TARS1: variants seen among roughly 807,000 people sequenced by gnomAD.
The protein encoded by TARS1 is threonine--tRNA ligase 1, cytoplasmic.
In TARS1, 57 loss-of-function variants were observed where a neutral mutation model predicts 97.7. That is an observed-to-expected ratio of 0.58 (90% CI 0.47 to 0.73). TARS1 has a LOEUF of 0.73. TARS1 is among the 30% of genes least tolerant of loss of function. TARS1 has a pLI of 0.00. For synonymous variants in TARS1, 312 were observed against 293.7 expected, an observed-to-expected ratio of 1.06 and a Z score of -0.64; for missense variants, 806 against 888.3, an observed-to-expected ratio of 0.91 and a Z score of 1.18.
intron 3 of TARS1, among the ~76,000 whole-genome samples, chr5:33,449,345 GTA>G (rs375640376): frequency 2.6e-5 from 3 of 115,384 alleles, no homozygotes; most frequent in African/African-American, 1.1e-4. Flanking sequence ...ATATACACGT[GTA>G]TATATATATA....
chr5:33,453,867 G>A (rs568839254), intron 4 of TARS1, among the ~76,000 whole-genome samples: 10 of 151,892 alleles, frequency 6.6e-5, no homozygotes, highest in East Asian at 3.9e-4. Flanking sequence ...TTATAGGAGC[G>A]CACTACCACA....
At chr5:33,446,298 G>C (rs1741409658) in intron 2 of TARS1, 1 of 281,556 alleles carries the variant, frequency 3.6e-6, no homozygotes. Context: ...CTGATCAGTT[G>C]ATCAGTCTCC....
intron 1 of TARS1, among the ~76,000 whole-genome samples, chr5:33,444,598 C>T (rs897283186): frequency 6.6e-6 from 1 of 152,096 alleles, no homozygotes; most frequent in East Asian, 1.9e-4. Context: ...TCTGTCTTAC[C>T]TTGTATTACT....
At chr5:33,458,788 T>A (rs1742153108) in intron 10 of TARS1, 124 bp downstream of exon 10, 3 of 781,320 alleles carry the variant, frequency 3.8e-6, no homozygotes, top group Middle Eastern at 4.0e-4. Context: ...TAAGTAAAAG[T>A]AGAAGTCTGT....
In TARS1 at chr5:33,467,655, C is replaced by A. The variant is rs758562694; in HGVS notation, c.2119C>A (p.Arg707=). Residue 707 remains arginine, a synonymous_variant, in exon 19 of 19, where the codon CGG becomes AGG. Coordinates refer to ENST00000265112, the MANE Select transcript of TARS1 (RefSeq NM_152295.5). The part of the protein sequence containing the change: ...GERTISETIE[R]LQQLKEFRSK... Reference sequence around the variant, plus strand: ...ACGCACCATTTCTGAAACTATCGAGCGGCTACAGCAGCTCAAAGAGTTCCG... The same window carrying A: ...ACGCACCATTTCTGAAACTATCGAGAGGCTACAGCAGCTCAAAGAGTTCCG... The A allele has an allele frequency of 6.8e-6, 11 of 1,613,594 alleles. No individual in the cohort carries two copies. Among genetic ancestry groups the A allele is most frequent in the Non-Finnish European group, 9.3e-6 (11 of 1,179,850 alleles).
Position 33,454,895 on chromosome 5 carries a change from C to T in TARS1, c.454-50C>T, listed in dbSNP as rs367934102. The T allele has an allele frequency of 2.3e-5, 36 of 1,581,384 alleles. No individual in the cohort carries two copies. In the African/African-American group the frequency reaches 3.4e-4, roughly 15 times the overall value. Reference sequence around the variant, plus strand: ...TCTTTCAGACAACCACATTAATTGGCAACTTGTATGCCAAGACTCAGACCA... The same window carrying T: ...TCTTTCAGACAACCACATTAATTGGTAACTTGTATGCCAAGACTCAGACCA... On this transcript the variant is annotated intron_variant, in intron 4 of 18. Transcript: ENST00000265112.
At chr5:33,442,294 A>C (rs1741141547) in intron 1 of TARS1, among the ~76,000 whole-genome samples, 1 of 151,886 alleles carries the variant, frequency 6.6e-6, no homozygotes, top group Non-Finnish European at 1.5e-5. Flanking sequence ...TTTTTCACAT[A>C]AAATGATATT....
chr5:33,467,915 A>G lies in TARS1; in HGVS notation c.*207A>G, dbSNP rs952548375. The G allele has an allele frequency of 1.3e-4, 61 of 484,714 alleles. No individual in the cohort carries two copies. In the South Asian group the frequency reaches 1.9e-3, roughly 15 times the overall value. The allele number at this position is 484,714 out of a possible 1,614,324, so 30.0% of individuals were successfully genotyped here. ...AGGAGTTAATTAAAAGAGAGCCAAT[A>G]AAATGATTTTACTCATTCAGTATCT... is the stretch of plus-strand genomic sequence containing the variant. On this transcript the variant is annotated 3_prime_UTR_variant, in exon 19 of 19. Coordinates refer to ENST00000265112, the MANE Select transcript of TARS1 (RefSeq NM_152295.5).
chr5:33,459,601 A>T, intron 10 of TARS1, 94 bp from the exon 11 acceptor site: 1 of 1,406,308 alleles, frequency 7.1e-7, no homozygotes, highest in Non-Finnish European at 9.8e-7. Flanking sequence ...CATCTTTTTC[A>T]TGAGAGAGTA....
intron 1 of TARS1, among the ~76,000 whole-genome samples, 161 bp from the exon 2 acceptor site, chr5:33,445,163 T>A (rs1741349010): frequency 6.6e-6 from 1 of 152,232 alleles, no homozygotes. Context: ...TGTTAACCTG[T>A]CTTTGCCAGT....
At chr5:33,450,342 T>G (rs1316317705) in intron 3 of TARS1, among the ~76,000 whole-genome samples, 3 of 152,220 alleles carry the variant, frequency 2.0e-5, no homozygotes, top group Non-Finnish European at 4.4e-5. Context: ...AAAAACAGTT[T>G]GGGGAACCAA....
At chr5:33,463,605 T>C in intron 16 of TARS1, 148 bp from the exon 17 acceptor site, 1 of 654,056 alleles carries the variant, frequency 1.5e-6, no homozygotes, top group Non-Finnish European at 2.6e-6. Flanking sequence ...GATAGGTCTT[T>C]TCATTTTGGG....
At chr5:33,466,392 A>T (rs954851401) in intron 17 of TARS1, among the ~76,000 whole-genome samples, 1 of 149,784 alleles carries the variant, frequency 6.7e-6, no homozygotes, top group Admixed American at 6.7e-5. Flanking sequence ...TAACCTGATT[A>T]AAAAAAAAAA....
chr5:33,456,487 T>A (rs539298776), intron 8 of TARS1, among the ~76,000 whole-genome samples: 3 of 152,348 alleles, frequency 2.0e-5, no homozygotes, highest in Admixed American at 1.3e-4. Context: ...CCATCCTGGC[T>A]CTATAAAAGC....
chr5:33,443,475 CTTTT>C (rs199902596), intron 1 of TARS1, among the ~76,000 whole-genome samples: 4 of 130,306 alleles, frequency 3.1e-5, no homozygotes, highest in Admixed American at 7.8e-5. Context: ...ATTTTTCTTT[CTTTT>C]TTTTTTTTTT....
At chr5:33,443,156 G>C (rs538466469) in intron 1 of TARS1, among the ~76,000 whole-genome samples, 1 of 152,268 alleles carries the variant, frequency 6.6e-6, no homozygotes, top group South Asian at 2.1e-4. Context: ...GTAGAAAAGG[G>C]GTCATAGGCC....
intron 11 of TARS1, 40 bp from the exon 12 acceptor site, chr5:33,460,862 T>G: frequency 6.2e-7 from 1 of 1,609,314 alleles, no homozygotes; most frequent in Non-Finnish European, 8.5e-7. Flanking sequence ...AGAAGCAGTT[T>G]TATTCTTAAG....
At chr5:33,455,838 A>AT (rs55749081) in intron 6 of TARS1, 134 bp downstream of exon 6, 1 of 971,016 alleles carries the variant, frequency 1.0e-6, no homozygotes, top group Non-Finnish European at 1.5e-6. Flanking sequence ...TGTTTTTATT[A>AT]TTTTTTTAAT....
chr5:33,453,722 A>ATTTTT (rs911017855), intron 4 of TARS1, among the ~76,000 whole-genome samples: 1 of 144,678 alleles, frequency 6.9e-6, no homozygotes, highest in African/African-American at 2.5e-5. Context: ...TTTTATTTTA[A>ATTTTT]TTTTTTTTTT....
Sources: gnomAD v4.1 joint callset for allele counts (sites outside exome capture counted in the v4.1 genomes callset) on GRCh38, gnomAD v4.1.1 for gene constraint, MANE v1.5 for transcripts, NCBI Gene and HGNC (gene_info 2026-07-23, HGNC 2026-07-21) for gene names.